Variants in CPNE4 observed in about 807,000 individuals in gnomAD.
CPNE4 encodes the protein copine-4.
Under a neutral mutation model 67.9 loss-of-function variants are expected in CPNE4, and 25 were observed. The observed-to-expected ratio is 0.37, with a 90% CI of 0.27 to 0.51. The LOEUF is 0.51. Among genes scored for constraint, CPNE4 ranks in the 20% least tolerant of loss-of-function variants. CPNE4 has a pLI of 0.93. For missense variants in CPNE4, 464 were observed against 690.8 expected, an observed-to-expected ratio of 0.67 and a Z score of 3.68; for synonymous variants, 242 against 244.9, an observed-to-expected ratio of 0.99 and a Z score of 0.11.
intron 2 of CPNE4, among the ~76,000 whole-genome samples, chr3:131,809,891 T>C (rs754147822): frequency 1.3e-5 from 2 of 151,780 alleles, no homozygotes; most frequent in Non-Finnish European, 1.5e-5. Flanking sequence ...ATCCTTGCAA[T>C]AGACAAAAAT....
chr3:131,786,057 C>A (rs1357859138), intron 2 of CPNE4, among the ~76,000 whole-genome samples: 2 of 152,038 alleles, frequency 1.3e-5, no homozygotes, highest in Non-Finnish European at 2.9e-5. Flanking sequence ...AAAGCCTCTT[C>A]TCTTGTTTTA....
intron 7 of CPNE4, among the ~76,000 whole-genome samples, chr3:131,589,210 G>A (rs1334195671): frequency 2.0e-5 from 3 of 152,148 alleles, no homozygotes; most frequent in Non-Finnish European, 4.4e-5. Flanking sequence ...CTCAGTTCAA[G>A]TCTAAAAGCC....
chr3:131,537,660 A>G (rs1935233282), intron 15 of CPNE4: 2 of 261,388 alleles, frequency 7.7e-6, no homozygotes, highest in East Asian at 1.4e-4. Flanking sequence ...TTAGTTTGGG[A>G]CTTCAGCCAA....
intron 1 of CPNE4, among the ~76,000 whole-genome samples, chr3:131,979,830 G>A (rs1239514323): frequency 6.6e-6 from 1 of 151,750 alleles, no homozygotes; most frequent in African/African-American, 2.4e-5. Flanking sequence ...GTTGTGATGT[G>A]TTTCCAGGAT....
chr3:131,714,779 C>T (rs2081643583), intron 3 of CPNE4, among the ~76,000 whole-genome samples: 1 of 152,058 alleles, frequency 6.6e-6, no homozygotes, highest in Non-Finnish European at 1.5e-5. Context: ...GTGATTCTGC[C>T]ACATGCTCAA....
chr3:132,028,082 A>T (rs1047581950), intron 1 of CPNE4, among the ~76,000 whole-genome samples: 30 of 152,324 alleles, frequency 2.0e-4, no homozygotes, highest in Admixed American at 1.7e-3. Flanking sequence ...ATTACTACAT[A>T]CAGGGCATGG....
chr3:131,703,674 A>G (rs2081355458), intron 3 of CPNE4, among the ~76,000 whole-genome samples: 1 of 152,232 alleles, frequency 6.6e-6, no homozygotes, highest in African/African-American at 2.4e-5. Flanking sequence ...CATTTTTGGA[A>G]CTAGAGAGTC....
chr3:131,967,032 A>G (rs542460740), intron 1 of CPNE4, among the ~76,000 whole-genome samples: 11 of 152,344 alleles, frequency 7.2e-5, no homozygotes, highest in African/African-American at 2.6e-4. Flanking sequence ...ACCACGATCA[A>G]GTCAGCTTCA....
rs2073234920 is a variant in CPNE4, at chr3:131,994,111, C to A, written c.-2+40456G>T. On this transcript the variant is annotated intron_variant, in intron 1 of 15. Coordinates refer to ENST00000429747, the MANE Select transcript of CPNE4 (RefSeq NM_130808.3). ...ATCTAAATCTAGGTAAAATCTAGAT[C>A]AGCATGAAAGATGAAAGTCTGCATC... is the stretch of plus-strand genomic sequence containing the variant. 1.5e-5 allele frequency among the ~76,000 whole-genome samples: 2 copies of A among 136,038 alleles called. 1 individual carries two copies. Among genetic ancestry groups the A allele is most frequent in the Admixed American group, 1.7e-4 (2 of 12,116 alleles). The allele number at this position is 136,038 out of a possible 152,430, so 89.2% of individuals were successfully genotyped here. A position where few individuals can be genotyped will look rare whatever the true frequency, so the allele number is the denominator to read the frequency against.
chr3:131,744,642 A>G (rs1000591145), intron 2 of CPNE4, among the ~76,000 whole-genome samples: 3 of 152,180 alleles, frequency 2.0e-5, no homozygotes, highest in Admixed American at 6.5e-5. Context: ...CTCTATTTCT[A>G]TCATTTTGTC....
At chr3:131,668,599 G>C (rs1034662836) in intron 7 of CPNE4, among the ~76,000 whole-genome samples, 2 of 152,150 alleles carry the variant, frequency 1.3e-5, no homozygotes, top group Admixed American at 6.5e-5. Context: ...ACTGCTTGAT[G>C]GTTGTGTTTT....
intron 1 of CPNE4, among the ~76,000 whole-genome samples, chr3:132,010,143 T>C (rs1018220294): frequency 1.3e-5 from 2 of 152,238 alleles, no homozygotes; most frequent in African/African-American, 4.8e-5. Context: ...TGCAGAACTT[T>C]CTAGCTCTAT....
chr3:131,951,922 C>T (rs1419791424), intron 1 of CPNE4, among the ~76,000 whole-genome samples: 4 of 150,992 alleles, frequency 2.6e-5, no homozygotes, highest in Admixed American at 6.6e-5. Flanking sequence ...ACAACCTCCA[C>T]CTCCCAGCCA....
At chr3:131,602,138 A>G (rs777475971) in intron 7 of CPNE4, among the ~76,000 whole-genome samples, 4 of 152,166 alleles carry the variant, frequency 2.6e-5, no homozygotes, top group Admixed American at 6.5e-5. Context: ...GAAGCAAGCA[A>G]CTTGCTAATT....
At chr3:132,017,279 G>A (rs2073907383) in intron 1 of CPNE4, among the ~76,000 whole-genome samples, 1 of 152,014 alleles carries the variant, frequency 6.6e-6, no homozygotes. Flanking sequence ...AGACGAGAAG[G>A]GAGGAGTGAG....
rs1934993491 is a variant in CPNE4, at chr3:131,533,615, T to A, written c.*1580A>T. On this transcript the variant is annotated 3_prime_UTR_variant, in exon 16 of 16. Coordinates refer to ENST00000429747, the MANE Select transcript of CPNE4 (RefSeq NM_130808.3). Reference sequence around the variant, plus strand: ...TAATAAAACAATATAGCTTAAATATTTATGATTTTTTCAGTCATACAATTT... The same window carrying A: ...TAATAAAACAATATAGCTTAAATATATATGATTTTTTCAGTCATACAATTT... The A allele has an allele frequency of 6.6e-6, 1 of 152,214 alleles. No individual in the cohort carries two copies. The highest frequency in any genetic ancestry group is 2.4e-5 in the African/African-American group (1 of 41,456). The allele number at this position is 152,214 out of a possible 1,614,324, so 9.4% of individuals were successfully genotyped here.
intron 7 of CPNE4, among the ~76,000 whole-genome samples, chr3:131,639,888 A>G (rs1035016057): frequency 3.4e-4 from 52 of 152,308 alleles, no homozygotes; most frequent in African/African-American, 1.2e-3. Flanking sequence ...CACCACATGA[A>G]TAGAATTAAA....
At chr3:132,025,787 A>G (rs1412787667) in intron 1 of CPNE4, among the ~76,000 whole-genome samples, 3 of 152,238 alleles carry the variant, frequency 2.0e-5, no homozygotes, top group Non-Finnish European at 4.4e-5. Context: ...GGTTAAGCAG[A>G]GCTGAAATTC....
chr3:131,924,602 G>T (rs563888125), intron 1 of CPNE4, among the ~76,000 whole-genome samples: 5 of 152,218 alleles, frequency 3.3e-5, no homozygotes, highest in Admixed American at 1.3e-4. Flanking sequence ...AGGCTTGAAT[G>T]TTGATATTTT....
Sources: allele counts gnomAD v4.1 joint callset (sites outside exome capture counted in the v4.1 genomes callset), GRCh38; gene constraint gnomAD v4.1.1; transcripts MANE v1.5; gene names NCBI Gene and HGNC (gene_info 2026-07-23, HGNC 2026-07-21).